The following OR51E2 variants were observed in gnomAD, a reference collection of about 807,000 sequenced individuals.
OR51E2 encodes olfactory receptor 51E2.
OR51E2 carries 14 observed loss-of-function variants against 13.7 expected under a neutral mutation model. That is an observed-to-expected ratio of 1.02 (90% CI 0.68 to 1.60). The LOEUF (loss-of-function observed/expected upper bound fraction) is 1.60. Ranked by LOEUF, OR51E2 falls within the 40% of genes most tolerant of loss-of-function variation. OR51E2 has a pLI of 0.00. For missense variants in OR51E2, 483 were observed against 413.8 expected (o/e 1.17, Z -1.45); for synonymous variants, 180 against 157.6 (o/e 1.14, Z -1.07).
rs373076603 is a variant in OR51E2 at position 4,693,917 on chromosome 11, C to G, written c.-51+3736G>C. Among the ~76,000 whole-genome samples, 29 of 152,130 alleles carry G rather than the reference C, an allele frequency of 1.9e-4. No individual in the cohort carries two copies. The East Asian group carries it at 4.8e-3, about 25-fold the overall frequency. On this transcript the variant is annotated intron_variant, in intron 1 of 1. Transcript: ENST00000396950. ...TCCAGTGAGGCAGAAAGAGCAGAAC[C>G]GTTTTTCAATAATTTCAATATCTCA...
chr11:4,682,860 A>G, intron 1 of OR51E2, 99 bp from the exon 2 acceptor site: 3 of 763,098 alleles, frequency 3.9e-6, no homozygotes, highest in South Asian at 3.8e-5. Context: ...GGTCTTTCAT[A>G]AGCTCTGAGG....
In OR51E2 at chr11:4,682,143, T is replaced by A. The variant is rs758475249; in HGVS notation, c.569A>T (p.Asp190Val). ...ACCATATACCACATTGGGCAAAGTG[T>A]CTGCATAGGCCAACTTCATTACATC... ...HQDVMKLAYA[D>V]TLPNVVYGLT... The change falls in exon 2 of 2, where the codon GAC (aspartate) becomes GTC (valine). Residue 190 changes from aspartate (D) to valine (V), a missense_variant. Physicochemically the swap from Asp to Val is radical, Grantham distance 152. Transcript: ENST00000396950. 1.9e-6 allele frequency: 3 copies of A among 1,614,044 alleles called. No individual in the cohort carries two copies. The Admixed American group carries it at 5.0e-5, about 27-fold the overall frequency.
intron 1 of OR51E2, among the ~76,000 whole-genome samples, chr11:4,686,179 C>T (rs886732483): frequency 1.8e-4 from 27 of 152,154 alleles, no homozygotes; most frequent in African/African-American, 6.0e-4. Context: ...TCATACACAC[C>T]TACCCAAACA....
rs757432468 is a variant in OR51E2, at chr11:4,682,664, G to A, written c.48C>T (p.Ile16=). ...FTHATFVLIG[I]PGLEKAHFWV... ...AGAAATGGGCTTTCTCTAATCCTGGGATACCAATAAGCACAAAGGTGGCAT... is the reference window on the plus strand; with the variant it reads ...AGAAATGGGCTTTCTCTAATCCTGGAATACCAATAAGCACAAAGGTGGCAT... Residue 16 remains isoleucine (I), a synonymous_variant, in exon 2 of 2, where the codon ATC becomes ATT. Transcript: ENST00000396950. The A allele has an allele frequency of 6.2e-7, 1 of 1,614,190 alleles. No individual in the cohort carries two copies. Among genetic ancestry groups the A allele is most frequent in the Non-Finnish European group, 8.5e-7 (1 of 1,180,024 alleles).
chr11:4,694,575 T>TACAC (rs71050422), intron 1 of OR51E2, among the ~76,000 whole-genome samples: 4,579 of 147,904 alleles, frequency 0.031, 183 homozygotes, highest in East Asian at 0.21. Flanking sequence ...CATATATATA[T>TACAC]ACACACACAC....
chr11:4,692,408 C>G (rs990504247), intron 1 of OR51E2, among the ~76,000 whole-genome samples: 1 of 152,216 alleles, frequency 6.6e-6, no homozygotes, highest in Non-Finnish European at 1.5e-5. Context: ...TGTGCTGCCA[C>G]GTTCCAACAC....
chr11:4,682,799 A>G, intron 1 of OR51E2, 38 bp from the exon 2 acceptor site: 9 of 1,427,622 alleles, frequency 6.3e-6, no homozygotes, highest in Non-Finnish European at 8.5e-6. Flanking sequence ...AATGCCCTGG[A>G]AACTTGAAAC....
rs765016110 is a variant in OR51E2, at chr11:4,681,996, G to T, written c.716C>A (p.Thr239Asn). 3.7e-6 allele frequency: 6 copies of T among 1,614,120 alleles called. No individual in the cohort carries two copies. The highest frequency in any genetic ancestry group is 2.2e-5 in the South Asian group (2 of 91,090). Residue 239 changes from threonine (T) to asparagine (N), a missense_variant, in exon 2 of 2, where the codon ACC (threonine) becomes AAC (asparagine). Thr to Asn is a moderately conservative substitution (Grantham distance 65, BLOSUM62 0). Transcript: ENST00000396950. ...TACCACACCAATGTGTGACACACAG[G>T]TTCCAAAGGCCTTGGCCCGCTCTGA... ...SKSERAKAFG[T>N]CVSHIGVVLA...
intron 1 of OR51E2, among the ~76,000 whole-genome samples, chr11:4,696,982 T>C (rs968619981): frequency 2.0e-5 from 3 of 152,216 alleles, no homozygotes; most frequent in African/African-American, 7.2e-5. Flanking sequence ...ATAGCTACCA[T>C]TTACTGGACA....
intron 1 of OR51E2, 124 bp from the exon 2 acceptor site, chr11:4,682,885 C>G: frequency 3.2e-6 from 2 of 632,376 alleles, no homozygotes; most frequent in Non-Finnish European, 5.4e-6. Flanking sequence ...CTTCCAAAGG[C>G]GGGACTGTGA....
chr11:4,693,614 G>A (rs1051882202), intron 1 of OR51E2, among the ~76,000 whole-genome samples: 1 of 152,090 alleles, frequency 6.6e-6, no homozygotes, highest in Admixed American at 6.5e-5. Context: ...CCAGCTACTG[G>A]GGAGGCTGAG....
At chr11:4,691,658 C>T (rs916369105) in intron 1 of OR51E2, 6 of 407,530 alleles carry the variant, frequency 1.5e-5, no homozygotes, top group Admixed American at 8.7e-5. Flanking sequence ...CACCAGTGAG[C>T]AGGAAAATGA....
At chr11:4,684,717 C>T (rs78178243) in intron 1 of OR51E2, among the ~76,000 whole-genome samples, 2,119 of 152,224 alleles carry the variant, frequency 0.014, 47 homozygotes, top group African/African-American at 0.048. Flanking sequence ...CATGCTTACT[C>T]GAGTATAGGA....
At position 4,681,660 on chromosome 11, in the gene OR51E2, G is replaced by A; in HGVS notation, c.*89C>T. 1 of 1,464,932 alleles carries A rather than the reference G, an allele frequency of 6.8e-7. No individual in the cohort carries two copies. Among genetic ancestry groups the A allele is most frequent in the Non-Finnish European group, 9.4e-7 (1 of 1,062,064 alleles). 90.7% of individuals were successfully genotyped at this position (1,464,932 alleles called of 1,614,324 possible). ...ATTCCAGCCAGAGAAAAGTACTGAT[G>A]TGCTTATGGGCAACTGGAAATAAGC... On this transcript the variant is annotated 3_prime_UTR_variant, in exon 2 of 2. Transcript: ENST00000396950.
chr11:4,692,677 A>T (rs1168523990), intron 1 of OR51E2, among the ~76,000 whole-genome samples: 1 of 152,180 alleles, frequency 6.6e-6, no homozygotes, highest in East Asian at 1.9e-4. Flanking sequence ...AGAGGGCTCA[A>T]TCAATGAGAG....
chr11:4,692,589 G>A (rs1847596575), intron 1 of OR51E2, among the ~76,000 whole-genome samples: 1 of 152,168 alleles, frequency 6.6e-6, no homozygotes, highest in Admixed American at 6.5e-5. Context: ...GTAGAGAATT[G>A]CAGAAAGGTA....
At chr11:4,697,334 G>A (rs981648201) in intron 1 of OR51E2, among the ~76,000 whole-genome samples, 9 of 152,192 alleles carry the variant, frequency 5.9e-5, no homozygotes, top group African/African-American at 1.7e-4. Context: ...CAATGCGTTC[G>A]AAATTGGTAA....
chr11:4,686,127 G>A (rs1307411145), intron 1 of OR51E2, among the ~76,000 whole-genome samples: 1 of 152,168 alleles, frequency 6.6e-6, no homozygotes, highest in African/African-American at 2.4e-5. Context: ...TGAGTTTAGG[G>A]TGCCAGAGGT....
intron 1 of OR51E2, among the ~76,000 whole-genome samples, chr11:4,686,682 G>T (rs1337371888): frequency 6.6e-6 from 1 of 152,110 alleles, no homozygotes; most frequent in Non-Finnish European, 1.5e-5. Flanking sequence ...AAAATCTTTT[G>T]CATGTTTCCT....
Sources: allele counts gnomAD v4.1 joint callset (sites outside exome capture counted in the v4.1 genomes callset), GRCh38; gene constraint gnomAD v4.1.1; transcripts MANE v1.5; gene names NCBI Gene and HGNC (gene_info 2026-07-23, HGNC 2026-07-21).